RANBP9: variants seen among roughly 807,000 people sequenced by gnomAD.
RANBP9 encodes RAN binding protein 9, also known as ran-binding protein 9.
RANBP9 carries 15 observed loss-of-function variants against 84.3 expected under a neutral mutation model. The ratio of observed to expected loss-of-function variants is 0.18; its 90% CI spans 0.12 to 0.27. The LOEUF is 0.27. Among genes scored for constraint, RANBP9 ranks in the 10% least tolerant of loss-of-function variants. RANBP9 has a pLI of 1.00. For synonymous variants in RANBP9, 392 were observed against 349.6 expected (o/e 1.12, Z -1.35); for missense variants, 809 against 912.8 (o/e 0.89, Z 1.46).
intron 2 of RANBP9, among the ~76,000 whole-genome samples, chr6:13,677,018 T>C (rs1765900685): frequency 6.6e-6 from 1 of 151,832 alleles, no homozygotes; most frequent in South Asian, 2.1e-4. Context: ...GCTAATGCAA[T>C]GAGACAAGAA....
chr6:13,641,917 T>C (rs1765073771), intron 7 of RANBP9, among the ~76,000 whole-genome samples: 1 of 152,178 alleles, frequency 6.6e-6, no homozygotes, highest in Non-Finnish European at 1.5e-5. Flanking sequence ...TTTGTTTTCA[T>C]CTCTATACTC....
rs139184273 is a variant in RANBP9, at chr6:13,639,543, T to G, written c.1525+20A>C. The G allele has an allele frequency of 7.5e-4, 1,179 of 1,565,836 alleles. 8 individuals carry two copies. The highest frequency in any genetic ancestry group is 6.3e-3 in the Middle Eastern group (37 of 5,918). On this transcript the variant is annotated intron_variant, in intron 9 of 13. Transcript: ENST00000011619. Reference sequence around the variant, plus strand: ...ATAAAGAGGAAAAATCTAAAAATAATGTCATAAGTTAAATCTCACCTGAAA... The same window carrying G: ...ATAAAGAGGAAAAATCTAAAAATAAGGTCATAAGTTAAATCTCACCTGAAA...
intron 5 of RANBP9, among the ~76,000 whole-genome samples, chr6:13,646,239 G>A (rs937612853): frequency 2.6e-5 from 4 of 152,016 alleles, no homozygotes; most frequent in East Asian, 1.9e-4. Flanking sequence ...GTGAAACCCC[G>A]CCTCTACTAA....
intron 5 of RANBP9, among the ~76,000 whole-genome samples, chr6:13,651,561 A>AC (rs1354073457): frequency 1.3e-5 from 2 of 150,968 alleles, no homozygotes; most frequent in African/African-American, 4.9e-5. Context: ...CGCCCAGCTA[A>AC]TTTTTTGTAT....
chr6:13,695,648 G>A (rs1219614728), intron 2 of RANBP9, among the ~76,000 whole-genome samples: 2 of 151,966 alleles, frequency 1.3e-5, no homozygotes, highest in African/African-American at 4.8e-5. Flanking sequence ...AGTGAGAAAT[G>A]GTGACAATCG....
intron 10 of RANBP9, among the ~76,000 whole-genome samples, chr6:13,634,771 A>G (rs1009981670): frequency 9.2e-5 from 14 of 152,212 alleles, no homozygotes; most frequent in African/African-American, 3.4e-4. Context: ...GAGGAAAAAA[A>G]GTACATATGC....
chr6:13,703,764 T>C (rs1316895078), intron 1 of RANBP9, among the ~76,000 whole-genome samples: 1 of 152,138 alleles, frequency 6.6e-6, no homozygotes, highest in South Asian at 2.1e-4. Context: ...TAGAATAGAA[T>C]TAAGTCATGA....
chr6:13,702,486 T>C (rs1757999648), intron 1 of RANBP9, among the ~76,000 whole-genome samples: 1 of 152,178 alleles, frequency 6.6e-6, no homozygotes, highest in African/African-American at 2.4e-5. Context: ...TGGAACACCA[T>C]ACCTTGGACT....
At chr6:13,691,258 A>G (rs1242049265) in intron 2 of RANBP9, among the ~76,000 whole-genome samples, 1 of 152,160 alleles carries the variant, frequency 6.6e-6, no homozygotes, top group African/African-American at 2.4e-5. Context: ...ATATTTAAAG[A>G]CTATTTAGTC....
intron 2 of RANBP9, among the ~76,000 whole-genome samples, chr6:13,688,249 T>C (rs1195064984): frequency 6.6e-6 from 1 of 152,208 alleles, no homozygotes; most frequent in Non-Finnish European, 1.5e-5. Context: ...CAAAAGTAAC[T>C]AGTCAGCTTC....
intron 2 of RANBP9, among the ~76,000 whole-genome samples, chr6:13,691,958 C>T (rs191310033): frequency 2.0e-5 from 3 of 152,144 alleles, no homozygotes; most frequent in African/African-American, 4.8e-5. Context: ...CTGTGCCCAG[C>T]GAAAATTCAG....
chr6:13,690,679 T>A (rs931323916), intron 2 of RANBP9, among the ~76,000 whole-genome samples: 5 of 152,148 alleles, frequency 3.3e-5, no homozygotes, highest in Non-Finnish European at 7.3e-5. Flanking sequence ...AAATAAAAAT[T>A]TTGTTCTCTC....
chr6:13,659,257 T>TACAC (rs60255234), intron 2 of RANBP9, among the ~76,000 whole-genome samples: 5,313 of 130,598 alleles, frequency 0.041, 95 homozygotes, highest in East Asian at 0.073. Context: ...CACACACACA[T>TACAC]ACACACACAC....
intron 2 of RANBP9, among the ~76,000 whole-genome samples, chr6:13,664,259 C>T (rs1247819632): frequency 6.6e-6 from 1 of 152,062 alleles, no homozygotes; most frequent in African/African-American, 2.4e-5. Flanking sequence ...CTATCTACAA[C>T]AGCATCAGAA....
At chr6:13,667,169 G>A (rs1452554668) in intron 2 of RANBP9, among the ~76,000 whole-genome samples, 2 of 152,160 alleles carry the variant, frequency 1.3e-5, no homozygotes, top group South Asian at 2.1e-4. Flanking sequence ...TTTATTAACA[G>A]TTATGTAAGT....
intron 2 of RANBP9, among the ~76,000 whole-genome samples, chr6:13,661,167 T>C (rs1012973120): frequency 4.6e-5 from 7 of 152,224 alleles, no homozygotes; most frequent in Non-Finnish European, 1.0e-4. Flanking sequence ...TATTTGACAT[T>C]GTGGTGTAGT....
intron 2 of RANBP9, among the ~76,000 whole-genome samples, chr6:13,660,692 CAG>C (rs367675088): frequency 5.3e-4 from 81 of 152,116 alleles, no homozygotes; most frequent in African/African-American, 1.8e-3. Context: ...AAAGAAAACT[CAG>C]AGTTTTCCCT....
At chr6:13,626,262 TTCAG>T (rs1392074826) in intron 12 of RANBP9, among the ~76,000 whole-genome samples, 1 of 152,264 alleles carries the variant, frequency 6.6e-6, no homozygotes, top group African/African-American at 2.4e-5. Flanking sequence ...TGTTTATGCA[TTCAG>T]TATTTCCAAC....
chr6:13,672,221 A>G (rs1025582406), intron 2 of RANBP9, among the ~76,000 whole-genome samples: 4 of 152,140 alleles, frequency 2.6e-5, no homozygotes, highest in Admixed American at 6.6e-5. Context: ...AGTAAGAGCA[A>G]TAATTCCAGC....
Sources: allele counts gnomAD v4.1 joint callset (sites outside exome capture counted in the v4.1 genomes callset), GRCh38; gene constraint gnomAD v4.1.1; transcripts MANE v1.5; gene names NCBI Gene and HGNC (gene_info 2026-07-23, HGNC 2026-07-21).